The following NADK2 variants were observed in gnomAD, a reference collection of about 807,000 sequenced individuals.
NADK2 encodes the protein NAD kinase 2, mitochondrial, also known as NAD kinase domain-containing protein 1, mitochondrial.
In NADK2, 35 loss-of-function variants were observed where a neutral mutation model predicts 62.1. That is an observed-to-expected ratio of 0.56 (90% CI 0.43 to 0.75). NADK2 has a LOEUF of 0.75. Ranked by LOEUF, NADK2 falls within the 30% of genes least tolerant of loss-of-function variation. The probability of loss-of-function intolerance (pLI) is 0.00; values close to 1 mark genes in which losing one functional copy is unlikely to be tolerated. For missense variants in NADK2, 439 were observed against 561.3 expected, an observed-to-expected ratio of 0.78 and a Z score of 2.20; for synonymous variants, 205 against 207.9, an observed-to-expected ratio of 0.99 and a Z score of 0.12.
chr5:36,224,049 A>G (rs1747379354), intron 4 of NADK2, among the ~76,000 whole-genome samples: 1 of 152,188 alleles, frequency 6.6e-6, no homozygotes, highest in Admixed American at 6.5e-5. Flanking sequence ...GGATAAGGGA[A>G]GCAAAGTGAA....
intron 8 of NADK2, among the ~76,000 whole-genome samples, chr5:36,202,361 A>G (rs1160213820): frequency 6.6e-6 from 1 of 152,074 alleles, no homozygotes; most frequent in Non-Finnish European, 1.5e-5. Flanking sequence ...AAGGACTGAG[A>G]ATAATCTTAA....
chr5:36,237,355 T>C (rs531476367), intron 1 of NADK2, among the ~76,000 whole-genome samples: 1 of 152,220 alleles, frequency 6.6e-6, no homozygotes, highest in East Asian at 1.9e-4. Context: ...AAAAGGCACA[T>C]AATAGCTTAA....
At chr5:36,217,023 G>C (rs973939990) in intron 6 of NADK2, among the ~76,000 whole-genome samples, 2 of 151,904 alleles carry the variant, frequency 1.3e-5, no homozygotes, top group Non-Finnish European at 2.9e-5. Context: ...AAAAACTCTG[G>C]AATAAGGGGA....
chr5:36,225,303 A>C (rs778470933), intron 4 of NADK2, among the ~76,000 whole-genome samples: 1 of 152,242 alleles, frequency 6.6e-6, no homozygotes, highest in Non-Finnish European at 1.5e-5. Context: ...TCTAATGTTC[A>C]TGGTGGCCAG....
Position 36,241,359 on chromosome 5 carries a change from C to T in NADK2, c.300+140G>A, listed in dbSNP as rs1748111066. 6.0e-6 allele frequency: 8 copies of T among 1,338,838 alleles called. No homozygotes were observed. The East Asian group carries it at 2.2e-4, about 37-fold the overall frequency. 82.9% of individuals were successfully genotyped at this position (1,338,838 alleles called of 1,614,324 possible). ...GAGGCCCAGGGAGAAGCCAGAGGAC[C>T]TGGGGGCCGCGAGAGAGGCAGGACC... On this transcript the variant is annotated intron_variant, in intron 1 of 11. Coordinates refer to ENST00000381937, the MANE Select transcript of NADK2 (RefSeq NM_001085411.3). The surrounding 1 kb of genome is among the most constrained non-coding windows in gnomAD (Gnocchi z 4.9).
At chr5:36,214,546 T>C (rs1237865741) in intron 6 of NADK2, among the ~76,000 whole-genome samples, 2 of 152,292 alleles carry the variant, frequency 1.3e-5, no homozygotes, top group Non-Finnish European at 2.9e-5. Flanking sequence ...AACACAGAAG[T>C]GTAATACTAG....
At chr5:36,217,263 C>A (rs1394978437) in intron 6 of NADK2, among the ~76,000 whole-genome samples, 1 of 152,084 alleles carries the variant, frequency 6.6e-6, no homozygotes, top group African/African-American at 2.4e-5. Context: ...TTTAACCCTC[C>A]TAACAAAAAA....
chr5:36,206,762 G>C (rs918203485), intron 8 of NADK2, among the ~76,000 whole-genome samples: 1 of 152,118 alleles, frequency 6.6e-6, no homozygotes, highest in Non-Finnish European at 1.5e-5. Flanking sequence ...AGATTACCCA[G>C]AGGGAGATTA....
intron 7 of NADK2, among the ~76,000 whole-genome samples, chr5:36,208,445 C>G (rs1262769423): frequency 8.6e-5 from 13 of 151,894 alleles, no homozygotes; most frequent in Non-Finnish European, 1.5e-5. Flanking sequence ...GGTAAGGGGG[C>G]ATGGGTAGAA....
rs115888871 is a variant in NADK2, at chr5:36,241,045, G to A, written c.300+454C>T. On this transcript the variant is annotated intron_variant, in intron 1 of 11. Coordinates refer to ENST00000381937, the MANE Select transcript of NADK2 (RefSeq NM_001085411.3). This position sits in a 1 kb window ranked among gnomAD's most constrained non-coding sequence, Gnocchi z 4.9. ...CCCTTTTCCCCCGGCAGCCCTCAGC[G>A]GCGCCCTGGGCCCCCTTTCTCGCGG... Among the ~76,000 whole-genome samples, 571 of 152,262 alleles carry A rather than the reference G, an allele frequency of 3.8e-3. 3 individuals are homozygous for A. Among genetic ancestry groups the A allele is most frequent in the African/African-American group, 0.013 (534 of 41,566 alleles).
rs35678845 is a variant in NADK2, at chr5:36,193,474, C to CA, written c.*1669dup. 0.2 allele frequency: 12,059 copies of CA among 59,994 alleles called. 951 individuals are homozygous for CA. Among genetic ancestry groups the CA allele is most frequent in the Non-Finnish European group, 0.27 (8,050 of 29,336 alleles). The allele number at this position is 59,994 out of a possible 1,614,324, so 3.7% of individuals were successfully genotyped here. On this transcript the variant is annotated 3_prime_UTR_variant, in exon 12 of 12. Coordinates refer to ENST00000381937, the MANE Select transcript of NADK2 (RefSeq NM_001085411.3). Reference sequence around the variant, plus strand: ...GGGTGACAAAGCAAGACTCCGTTCTCAAAAAAAAAAAAAAAAAAAAAGAAG... The same window carrying CA: ...GGGTGACAAAGCAAGACTCCGTTCTCAAAAAAAAAAAAAAAAAAAAAAGAAG...
intron 9 of NADK2, among the ~76,000 whole-genome samples, chr5:36,200,484 C>T (rs1411973898): frequency 6.6e-6 from 1 of 151,790 alleles, no homozygotes; most frequent in East Asian, 1.9e-4. Flanking sequence ...CCCCCCTCGC[C>T]CTTATTAGCA....
At chr5:36,203,355 G>A (rs1244482136) in intron 8 of NADK2, among the ~76,000 whole-genome samples, 1 of 151,974 alleles carries the variant, frequency 6.6e-6, no homozygotes, top group Non-Finnish European at 1.5e-5. Context: ...CTGGCTCCTC[G>A]GCTTCTCTTC....
Position 36,225,524 on chromosome 5 carries a change from G to A in NADK2, c.560+18C>T. 3.7e-6 allele frequency: 6 copies of A among 1,600,536 alleles called. 1 individual carries two copies. In the South Asian group the frequency reaches 6.8e-5, roughly 18 times the overall value. On this transcript the variant is annotated intron_variant, in intron 4 of 11. Transcript: ENST00000381937. ...GCACACCACACAAATCAAACAAAAT[G>A]TATACGTTCTTTCTTACCGTTCTGG... is the stretch of plus-strand genomic sequence containing the variant.
intron 11 of NADK2, among the ~76,000 whole-genome samples, chr5:36,197,309 C>G (rs968482761): frequency 1.1e-4 from 16 of 151,876 alleles, no homozygotes; most frequent in Non-Finnish European, 2.4e-4. Flanking sequence ...ATAACTGTAC[C>G]CTTTCTAGTC....
chr5:36,231,634 G>A (rs1747712938), intron 1 of NADK2, among the ~76,000 whole-genome samples: 1 of 152,082 alleles, frequency 6.6e-6, no homozygotes, highest in Non-Finnish European at 1.5e-5. Context: ...ACATTCAATC[G>A]CCACAGCCAG....
chr5:36,197,423 C>T, intron 11 of NADK2, 118 bp downstream of exon 11: 2 of 1,317,410 alleles, frequency 1.5e-6, no homozygotes, highest in Non-Finnish European at 2.1e-6. Flanking sequence ...TTCTACTTTT[C>T]CTGCTAGATT....
At chr5:36,225,656 C>G (rs1389692951) in intron 3 of NADK2, 33 bp from the exon 4 acceptor site, 1 of 1,583,976 alleles carries the variant, frequency 6.3e-7, no homozygotes. Context: ...CAAGACATAA[C>G]CAAATTTCTG....
chr5:36,208,639 G>A (rs1443864043), intron 7 of NADK2: 1 of 1,532,020 alleles, frequency 6.5e-7, no homozygotes, highest in Non-Finnish European at 8.7e-7. Flanking sequence ...CCTTTAGAGT[G>A]GGTATACTTC....
Sources: gnomAD v4.1 joint callset for allele counts (sites outside exome capture counted in the v4.1 genomes callset) on GRCh38, gnomAD v4.1.1 for gene constraint, Gnocchi (gnomAD v3.1) non-coding constraint, MANE v1.5 for transcripts, NCBI Gene and HGNC (gene_info 2026-07-23, HGNC 2026-07-21) for gene names.